Variants in BRD4 observed in about 807,000 individuals in gnomAD.
The protein encoded by BRD4 is bromodomain containing 4, also known as bromodomain-containing protein 4.
A neutral mutation model predicts 142.1 loss-of-function variants in BRD4; 16 were observed. The observed-to-expected ratio is 0.11, with a 90% CI of 0.08 to 0.17. The LOEUF is 0.17. Ranked by LOEUF, BRD4 falls within the 10% of genes least tolerant of loss-of-function variation. The pLI, the probability that BRD4 is intolerant of heterozygous loss-of-function variation, is 1.00. For synonymous variants in BRD4, 833 were observed against 707.5 expected (o/e 1.18, Z -2.82); for missense variants, 1,424 against 1,810.9 (o/e 0.79, Z 3.88).
intron 1 of BRD4, among the ~76,000 whole-genome samples, chr19:15,307,670 A>C (rs1228686805): frequency 1.3e-5 from 2 of 152,084 alleles, no homozygotes; most frequent in Non-Finnish European, 2.9e-5. Flanking sequence ...AGTCCCAACT[A>C]CTTGAGAGGC....
intron 1 of BRD4, among the ~76,000 whole-genome samples, chr19:15,298,620 CAAAAAAAAAAAAAAAAAAAAAAA>C (rs57719337): frequency 3.6e-4 from 24 of 66,028 alleles, no homozygotes; most frequent in East Asian, 2.2e-3. Flanking sequence ...GACTCCAACT[CAAAAAAAAAAAAAAAAAAAAAAA>C]AAAAAAAAAA....
chr19:15,303,243 T>C (rs2047886618), intron 1 of BRD4, among the ~76,000 whole-genome samples: 1 of 152,198 alleles, frequency 6.6e-6, no homozygotes, highest in South Asian at 2.1e-4. Flanking sequence ...CAAGAGTGTT[T>C]ATGTACAGAC....
At chr19:15,299,994 C>A (rs540368486) in intron 1 of BRD4, among the ~76,000 whole-genome samples, 2 of 152,188 alleles carry the variant, frequency 1.3e-5, no homozygotes, top group East Asian at 3.9e-4. Flanking sequence ...CCTGCAATCC[C>A]AGCACTTTGG....
At chr19:15,265,776 A>G in intron 4 of BRD4, 133 bp from the exon 5 acceptor site, 1 of 975,690 alleles carries the variant, frequency 1.0e-6, no homozygotes, top group Non-Finnish European at 1.6e-6. Context: ...CGAACATCCC[A>G]GACTCCACTC....
chr19:15,323,852 G>A (rs1179863654), intron 1 of BRD4, among the ~76,000 whole-genome samples: 1 of 152,166 alleles, frequency 6.6e-6, no homozygotes, highest in African/African-American at 2.4e-5. Flanking sequence ...CAGGCAGAAA[G>A]CAAAGCCAGC....
intron 1 of BRD4, among the ~76,000 whole-genome samples, chr19:15,303,866 C>T (rs1008054118): frequency 2.6e-5 from 4 of 152,128 alleles, no homozygotes; most frequent in Non-Finnish European, 5.9e-5. Context: ...GACCAACAAG[C>T]ATTTGATGGC....
At chr19:15,330,164 T>C (rs1398727982) in intron 1 of BRD4, among the ~76,000 whole-genome samples, 2 of 152,186 alleles carry the variant, frequency 1.3e-5, no homozygotes, top group African/African-American at 2.4e-5. Flanking sequence ...TACTCGGAGG[T>C]GGACTCGACT....
Position 15,303,729 on chromosome 19 carries a change from C to T in BRD4, c.-35+28561G>A, listed in dbSNP as rs148230035. ...TCTGTGTTCTGTTTTTGATGGGGCA[C>T]TGAATACAGAACCTATCTGCCAACT... On this transcript the variant is annotated intron_variant, in intron 1 of 19. Transcript: ENST00000679869. Among the ~76,000 whole-genome samples the T allele has an allele frequency of 3.0e-3, 461 of 152,324 alleles. 3 individuals are homozygous for T. Among genetic ancestry groups the T allele is most frequent in the African/African-American group, 0.011 (446 of 41,554 alleles).
intron 2 of BRD4, among the ~76,000 whole-genome samples, chr19:15,271,535 G>A (rs1381151322): frequency 1.3e-5 from 2 of 152,136 alleles, no homozygotes; most frequent in African/African-American, 4.8e-5. Flanking sequence ...AACGCTCTGG[G>A]TTCCACTCCA....
chr19:15,254,944 C>T (rs879557175), intron 10 of BRD4, among the ~76,000 whole-genome samples: 1 of 152,186 alleles, frequency 6.6e-6, no homozygotes, highest in African/African-American at 2.4e-5. Context: ...CGTATCGGTA[C>T]ACAGGTCCTG....
rs2048170240 is a variant in BRD4, at chr19:15,332,406, C to T, written c.-151G>A. 1 of 146,558 alleles carries T rather than the reference C, an allele frequency of 6.8e-6. No homozygotes were observed. The highest frequency in any genetic ancestry group is 1.5e-5 in the Non-Finnish European group (1 of 65,690). 9.1% of individuals were successfully genotyped at this position (146,558 alleles called of 1,614,324 possible). On this transcript the variant is annotated 5_prime_UTR_variant, in exon 1 of 20. Coordinates refer to ENST00000679869, the MANE Select transcript of BRD4 (RefSeq NM_001379291.1). ...CCGCCGCTCTGCCGAGCTCACAGGC[C>T]GCGCTCGCCCGCGGGCACCGCCGGC...
intron 1 of BRD4, among the ~76,000 whole-genome samples, chr19:15,302,913 C>G (rs1196850816): frequency 6.8e-6 from 1 of 146,834 alleles, no homozygotes; most frequent in African/African-American, 2.5e-5. Context: ...GAGGCCGAGG[C>G]AGGAGAATGG....
chr19:15,262,172 G>A (rs1013744183), intron 7 of BRD4, among the ~76,000 whole-genome samples: 1 of 152,194 alleles, frequency 6.6e-6, no homozygotes, highest in Non-Finnish European at 1.5e-5. Context: ...CTGGGAGGCA[G>A]GCAGGCAGTG....
chr19:15,249,073 C>T, intron 11 of BRD4: 1 of 737,712 alleles, frequency 1.4e-6, no homozygotes, highest in South Asian at 1.9e-5. Context: ...GGCGGCTGGC[C>T]AGGCAGGCAG....
intron 1 of BRD4, among the ~76,000 whole-genome samples, chr19:15,304,687 T>A (rs764542311): frequency 6.6e-6 from 1 of 152,142 alleles, no homozygotes; most frequent in African/African-American, 2.4e-5. Flanking sequence ...CAACAAGCAA[T>A]TACTGAATGC....
At chr19:15,283,507 C>T (rs2047719913) in intron 1 of BRD4, among the ~76,000 whole-genome samples, 1 of 152,178 alleles carries the variant, frequency 6.6e-6, no homozygotes, top group Non-Finnish European at 1.5e-5. Context: ...AGATCACGCC[C>T]TTTGGGAATT....
At chr19:15,244,183 C>T (rs1043224046) in intron 13 of BRD4, 48 bp downstream of exon 13, 28 of 1,536,358 alleles carry the variant, frequency 1.8e-5, no homozygotes, top group Admixed American at 9.8e-5. Flanking sequence ...ATGGGTAAAC[C>T]GAGGCAGGAA....
intron 11 of BRD4, chr19:15,247,572 G>A (rs1225126941): frequency 8.6e-6 from 2 of 232,794 alleles, no homozygotes; most frequent in East Asian, 6.0e-5. Context: ...GTGCGCGTGC[G>A]TGCGTGTGTC....
intron 2 of BRD4, 60 bp from the exon 3 acceptor site, chr19:15,269,102 G>C: frequency 6.3e-7 from 1 of 1,587,588 alleles, no homozygotes; most frequent in Non-Finnish European, 8.6e-7. Flanking sequence ...ACAAACGCTG[G>C]GCTGGCCAGG....
Sources: allele counts gnomAD v4.1 joint callset (sites outside exome capture counted in the v4.1 genomes callset), GRCh38; gene constraint gnomAD v4.1.1; transcripts MANE v1.5; gene names NCBI Gene and HGNC (gene_info 2026-07-23, HGNC 2026-07-21).